Variants in TARDBP observed in about 807,000 individuals in gnomAD.
TARDBP encodes the protein TAR DNA binding protein, also known as TAR DNA-binding protein 43.
A neutral mutation model predicts 38.3 loss-of-function variants in TARDBP; 4 were observed. That is an observed-to-expected ratio of 0.10 (90% CI 0.05 to 0.24). TARDBP has a LOEUF of 0.24. TARDBP is among the 10% of genes least tolerant of loss of function. TARDBP has a pLI of 1.00. For missense variants in TARDBP, 202 were observed against 521.9 expected, an observed-to-expected ratio of 0.39 and a Z score of 5.97; for synonymous variants, 184 against 183.8, an observed-to-expected ratio of 1.00 and a Z score of -0.01.
intron 1 of TARDBP, among the ~76,000 whole-genome samples, chr1:11,012,966 C>T (rs949135926): frequency 6.6e-6 from 1 of 152,252 alleles, no homozygotes; most frequent in Non-Finnish European, 1.5e-5. Context: ...TGCCGCGTAG[C>T]CTGAGGCGGA....
chr1:11,028,698 T>G (rs1056158442), downstream of TARDBP, among the ~76,000 whole-genome samples: 28 of 28,510 alleles, frequency 9.8e-4, no homozygotes, highest in South Asian at 4.1e-3. Flanking sequence ...TCTTTCTGGG[T>G]TTTTTTTCTT....
rs1643680440 is a variant in TARDBP at position 11,023,563 on chromosome 1, A to G, written c.*909A>G. ...TTAACTTGGCGAGATGTGTCTCTCA[A>G]TCCTGTGGCTTTGGTGAGAGAGTGT... On this transcript the variant is annotated 3_prime_UTR_variant, in exon 6 of 6. Coordinates refer to ENST00000240185, the MANE Select transcript of TARDBP (RefSeq NM_007375.4). 4.8e-6 allele frequency: 2 copies of G among 417,626 alleles called. No individual in the cohort carries two copies. The highest frequency in any genetic ancestry group is 6.0e-5 in the South Asian group (1 of 16,750). 25.9% of individuals were successfully genotyped at this position (417,626 alleles called of 1,614,324 possible).
chr1:11,023,088 G>T lies in TARDBP; in HGVS notation c.*434G>T. On this transcript the variant is annotated 3_prime_UTR_variant, in exon 6 of 6. Coordinates refer to ENST00000240185, the MANE Select transcript of TARDBP (RefSeq NM_007375.4). Reference sequence around the variant, plus strand: ...TTTTCCTTAAGAAAATCTCCTTTTAGGAGATCATGGTGTCACAGTGTTTGG... The same window carrying T: ...TTTTCCTTAAGAAAATCTCCTTTTATGAGATCATGGTGTCACAGTGTTTGG... 1 of 1,495,896 alleles carries T rather than the reference G, an allele frequency of 6.7e-7. No homozygotes were observed. The highest frequency in any genetic ancestry group is 8.9e-7 in the Non-Finnish European group (1 of 1,118,464). 92.7% of individuals were successfully genotyped at this position (1,495,896 alleles called of 1,614,324 possible). A position where few individuals can be genotyped will look rare whatever the true frequency, so the allele number is the denominator to read the frequency against.
In TARDBP at chr1:11,023,629, G is replaced by A. The variant is rs1643681229; in HGVS notation, c.*975G>A. Reference sequence around the variant, plus strand: ...AGCAAATAATGTACGAATGTTTTTTGCATTCAAAGGACATCCACATCTGTT... The same window carrying A: ...AGCAAATAATGTACGAATGTTTTTTACATTCAAAGGACATCCACATCTGTT... On this transcript the variant is annotated 3_prime_UTR_variant, in exon 6 of 6. Coordinates refer to ENST00000240185, the MANE Select transcript of TARDBP (RefSeq NM_007375.4). 3.9e-6 allele frequency: 1 copy of A among 255,278 alleles called. No homozygotes were observed. The highest frequency in any genetic ancestry group is 7.5e-6 in the Non-Finnish European group (1 of 133,650). 15.8% of individuals were successfully genotyped at this position (255,278 alleles called of 1,614,324 possible).
Position 11,019,226 on chromosome 1 carries a change from A to G in TARDBP, c.543+353A>G, listed in dbSNP as rs1214090464. On this transcript the variant is annotated intron_variant, in intron 4 of 5. Transcript: ENST00000240185. The stretch of plus-strand genomic sequence containing the variant: ...TTGTTATAAAGACCTAACTTTTTCC[A>G]AGCAAACAAATAACATTGGCTTATT... 4 of 319,130 alleles carry G rather than the reference A, an allele frequency of 1.3e-5. No homozygotes were observed. In the Admixed American group the frequency reaches 1.9e-4, roughly 15 times the overall value. 19.8% of individuals were successfully genotyped at this position (319,130 alleles called of 1,614,324 possible).
chr1:11,017,799 G>C (rs2100846791), intron 3 of TARDBP, among the ~76,000 whole-genome samples: 1 of 152,216 alleles, frequency 6.6e-6, no homozygotes, highest in Non-Finnish European at 1.5e-5. Context: ...TGTAATCCCA[G>C]CATTTTGGGA....
downstream of TARDBP, chr1:11,030,272 A>C: frequency 6.4e-7 from 1 of 1,569,998 alleles, no homozygotes; most frequent in Non-Finnish European, 8.8e-7. Context: ...TGGAAAAGCA[A>C]AAATGTTTAA....
In TARDBP at chr1:11,015,915, GTATTTTTATTTATT is replaced by G. The variant is rs368882938; in HGVS notation, c.239-917_239-904del. 3.2e-4 allele frequency among the ~76,000 whole-genome samples: 44 copies of G among 139,424 alleles called. No individual in the cohort carries two copies. In the East Asian group the frequency reaches 4.6e-3, roughly 14 times the overall value. 91.5% of individuals were successfully genotyped at this position (139,424 alleles called of 152,430 possible). A position where few individuals can be genotyped will look rare whatever the true frequency, so the allele number is the denominator to read the frequency against. ...CTGCCACCACGCCTGGCTAATTTTT[GTATTTTTATTTATT>G]TATTTTTATTTGTTTATTTATTTTT... On this transcript the variant is annotated intron_variant, in intron 2 of 5. Transcript: ENST00000240185.
At chr1:11,014,091 T>C in intron 2 of TARDBP, 126 bp downstream of exon 2, 1 of 984,996 alleles carries the variant, frequency 1.0e-6, no homozygotes, top group Non-Finnish European at 1.6e-6. Flanking sequence ...TGAACTTCAG[T>C]GTTAGACAAG....
At chr1:11,019,724 G>A (rs1007973702) in intron 4 of TARDBP, among the ~76,000 whole-genome samples, 32 of 151,834 alleles carry the variant, frequency 2.1e-4, no homozygotes, top group Admixed American at 1.7e-3. Context: ...CCACCAACAC[G>A]CCTGGCTAAT....
chr1:11,025,697 T>G (rs1244606947), downstream of TARDBP: 1 of 152,250 alleles, frequency 6.6e-6, no homozygotes, highest in Non-Finnish European at 1.5e-5. Flanking sequence ...TAACTTTTAG[T>G]TAGACTGAAA....
intron 5 of TARDBP, among the ~76,000 whole-genome samples, chr1:11,020,826 A>G (rs1643622600): frequency 6.6e-6 from 1 of 152,052 alleles, no homozygotes. Flanking sequence ...AGGCAGGGGA[A>G]TCGCTTGAAC....
downstream of TARDBP, chr1:11,027,486 T>C (rs755571013): frequency 2.0e-5 from 32 of 1,614,152 alleles, no homozygotes; most frequent in South Asian, 2.9e-4. Context: ...ATGTTTTTGC[T>C]CATAGACGGC....
chr1:11,029,231 A>C (rs1299687357), downstream of TARDBP, among the ~76,000 whole-genome samples: 1 of 150,818 alleles, frequency 6.6e-6, no homozygotes, highest in African/African-American at 2.4e-5. Context: ...CGATCTCCTG[A>C]CCTCGTGATC....
Position 11,025,370 on chromosome 1 carries a change from G to A in TARDBP, c.*2716G>A, listed in dbSNP as rs1643714471. ...TATTTTACCCTAAGAAGATTTTGAA[G>A]TTTAAAAGTACTTAAACTATTTGGC... On this transcript the variant is annotated 3_prime_UTR_variant, in exon 6 of 6. Transcript: ENST00000240185. 1 of 152,108 alleles carries A rather than the reference G, an allele frequency of 6.6e-6. No homozygotes were observed. The highest frequency in any genetic ancestry group is 2.4e-5 in the African/African-American group (1 of 41,380). 9.4% of individuals were successfully genotyped at this position (152,108 alleles called of 1,614,324 possible). A position where few individuals can be genotyped will look rare whatever the true frequency, so the allele number is the denominator to read the frequency against.
chr1:11,019,234 A>G (rs1643587481), intron 4 of TARDBP: 1 of 321,226 alleles, frequency 3.1e-6, no homozygotes, highest in South Asian at 2.7e-5. Context: ...CCAAGCAAAC[A>G]AATAACATTG....
intron 2 of TARDBP, among the ~76,000 whole-genome samples, chr1:11,015,161 G>T (rs1229986079): frequency 6.6e-6 from 1 of 151,766 alleles, no homozygotes; most frequent in Non-Finnish European, 1.5e-5. Flanking sequence ...TGTTTCTTCA[G>T]CCAGTGGGTA....
chr1:11,019,196 A>G (rs1330576050), intron 4 of TARDBP: 3 of 348,650 alleles, frequency 8.6e-6, no homozygotes, highest in South Asian at 2.6e-5. Flanking sequence ...GAATACATAC[A>G]TTAATTGTTA....
At chr1:11,019,630 A>G (rs1209531103) in intron 4 of TARDBP, among the ~76,000 whole-genome samples, 4 of 151,980 alleles carry the variant, frequency 2.6e-5, no homozygotes, top group Non-Finnish European at 5.9e-5. Flanking sequence ...GCAGTGGTGC[A>G]ATCTCAGCTC....
Sources: allele counts gnomAD v4.1 joint callset (sites outside exome capture counted in the v4.1 genomes callset), GRCh38; gene constraint gnomAD v4.1.1; transcripts MANE v1.5; gene names NCBI Gene and HGNC (gene_info 2026-07-23, HGNC 2026-07-21).